The following ADAMTSL1 variants were observed in gnomAD, a reference collection of about 807,000 sequenced individuals.
ADAMTSL1 encodes ADAMTS like 1.
Under a neutral mutation model 201.8 loss-of-function variants are expected in ADAMTSL1, and 126 were observed. That is an observed-to-expected ratio of 0.62 (90% confidence interval 0.54 to 0.72). The LOEUF (loss-of-function observed/expected upper bound fraction) is 0.72, where lower values mean the gene tolerates loss of function less well. Among genes scored for constraint, ADAMTSL1 ranks in the 30% least tolerant of loss-of-function variants. The pLI is 0.00. For synonymous variants in ADAMTSL1, 1,121 were observed against 903.4 expected, an observed-to-expected ratio of 1.24 and a Z score of -4.32; for missense variants, 2,679 against 2,277.8, an observed-to-expected ratio of 1.18 and a Z score of -3.59.
chr9:18,379,882 A>G (rs1225934023), intron 2 of ADAMTSL1, among the ~76,000 whole-genome samples: 3 of 152,116 alleles, frequency 2.0e-5, no homozygotes, highest in African/African-American at 7.2e-5. Context: ...CCTTTACTCC[A>G]TCCTCCCATC....
intron 2 of ADAMTSL1, among the ~76,000 whole-genome samples, chr9:18,371,444 G>A (rs899525035): frequency 6.6e-6 from 1 of 152,156 alleles, no homozygotes; most frequent in Non-Finnish European, 1.5e-5. Flanking sequence ...ACACAAGAGG[G>A]AGGTCTTTCT....
chr9:18,161,828 T>C (rs1827402099), intron 1 of ADAMTSL1, among the ~76,000 whole-genome samples: 1 of 152,012 alleles, frequency 6.6e-6, no homozygotes, highest in Non-Finnish European at 1.5e-5. Context: ...GCAGGAGTAA[T>C]TTAGGTTAGC....
chr9:17,960,900 A>C (rs1046407701), intron 1 of ADAMTSL1, among the ~76,000 whole-genome samples: 8 of 152,096 alleles, frequency 5.3e-5, no homozygotes, highest in Non-Finnish European at 1.0e-4. Context: ...CTGTTCACCC[A>C]TTTTTCCTTC....
chr9:18,221,477 T>A lies in ADAMTSL1; in HGVS notation c.207+57496T>A, dbSNP rs182901795. 3.8e-3 allele frequency among the ~76,000 whole-genome samples: 583 copies of A among 152,324 alleles called. 1 individual carries two copies. The highest frequency in any genetic ancestry group is 6.9e-3 in the Non-Finnish European group (468 of 68,024). ...TCACATCTTTTAGCTTGATTTTCCT[T>A]CTTTTTATCTCTCTATACTGCACTA... On this transcript the variant is annotated intron_variant, in intron 2 of 29. Coordinates refer to the ADAMTSL1 transcript ENST00000680146.
chr9:18,100,681 G>T (rs1047668162), intron 1 of ADAMTSL1, among the ~76,000 whole-genome samples: 15 of 151,746 alleles, frequency 9.9e-5, no homozygotes, highest in African/African-American at 3.4e-4. Context: ...TTTCTTTTCA[G>T]TGTGGATCCC....
chr9:18,163,012 T>G (rs1358810223), intron 1 of ADAMTSL1, among the ~76,000 whole-genome samples: 2 of 152,002 alleles, frequency 1.3e-5, no homozygotes, highest in African/African-American at 4.8e-5. Context: ...GTACAGTGAG[T>G]AAACTGAGGC....
intron 2 of ADAMTSL1, among the ~76,000 whole-genome samples, chr9:18,213,357 T>G (rs1829949663): frequency 6.6e-6 from 1 of 152,186 alleles, no homozygotes; most frequent in African/African-American, 2.4e-5. Flanking sequence ...TGAATTGGTG[T>G]TGGTATCCTT....
chr9:18,050,028 A>G (rs1401144908), intron 1 of ADAMTSL1, among the ~76,000 whole-genome samples: 1 of 152,208 alleles, frequency 6.6e-6, no homozygotes, highest in Non-Finnish European at 1.5e-5. Context: ...CAGATACCAT[A>G]TCTATGTTTA....
At chr9:18,136,481 G>T (rs1489914745) in intron 1 of ADAMTSL1, among the ~76,000 whole-genome samples, 4 of 152,106 alleles carry the variant, frequency 2.6e-5, no homozygotes, top group Non-Finnish European at 5.9e-5. Flanking sequence ...TGTTAGGAGA[G>T]ATAACTGTGT....
At chr9:18,403,263 A>G (rs1430986604) in intron 2 of ADAMTSL1, among the ~76,000 whole-genome samples, 7 of 151,884 alleles carry the variant, frequency 4.6e-5, no homozygotes, top group Non-Finnish European at 7.4e-5. Flanking sequence ...GGCTCACTGC[A>G]ACCTTCGCCT....
chr9:17,945,719 A>G (rs1413905151), intron 1 of ADAMTSL1, among the ~76,000 whole-genome samples: 1 of 151,690 alleles, frequency 6.6e-6, no homozygotes, highest in East Asian at 1.9e-4. Flanking sequence ...CGCAAGAACA[A>G]AAAACCAAAC....
intron 2 of ADAMTSL1, among the ~76,000 whole-genome samples, chr9:18,352,395 A>T (rs1365430792): frequency 6.6e-6 from 1 of 152,226 alleles, no homozygotes; most frequent in Non-Finnish European, 1.5e-5. Context: ...CCTTCTACCC[A>T]TCCTACAGAT....
At chr9:18,480,574 C>T (rs2131804060) in intron 1 of ADAMTSL1, among the ~76,000 whole-genome samples, 1 of 152,284 alleles carries the variant, frequency 6.6e-6, no homozygotes, top group South Asian at 2.1e-4. Context: ...TGTGAAAACC[C>T]TGAAATTTTG....
At chr9:17,914,033 C>T (rs1276070217) in intron 1 of ADAMTSL1, among the ~76,000 whole-genome samples, 1 of 152,152 alleles carries the variant, frequency 6.6e-6, no homozygotes, top group East Asian at 1.9e-4. Flanking sequence ...TAATCAATAG[C>T]TTACCAACCA....
Position 17,972,982 on chromosome 9 carries a change from A to G in ADAMTSL1, c.87+66060A>G, listed in dbSNP as rs572841135. On this transcript the variant is annotated intron_variant, in intron 1 of 29. Coordinates refer to the ADAMTSL1 transcript ENST00000680146. ...GTCTTCTTTTGAGAAGTGTGTATTC[A>G]TATCCTTCACCCACTTTTTGATGGG... Among the ~76,000 whole-genome samples, 980 of 149,196 alleles carry G rather than the reference A, an allele frequency of 6.6e-3. 14 individuals are homozygous for G. Among genetic ancestry groups the G allele is most frequent in the African/African-American group, 0.023 (936 of 40,544 alleles).
chr9:17,970,861 A>C (rs1778176), intron 1 of ADAMTSL1, among the ~76,000 whole-genome samples: 1 of 151,880 alleles, frequency 6.6e-6, no homozygotes, highest in Non-Finnish European at 1.5e-5. Context: ...ATGCTTTTTG[A>C]AGGTAGGAAT....
At chr9:18,022,636 A>G (rs549717747) in intron 1 of ADAMTSL1, among the ~76,000 whole-genome samples, 5 of 152,284 alleles carry the variant, frequency 3.3e-5, no homozygotes, top group African/African-American at 9.6e-5. Context: ...AATTTCAAGT[A>G]TATTATATGG....
intron 4 of ADAMTSL1, among the ~76,000 whole-genome samples, chr9:18,609,695 T>C (rs1461042034): frequency 7.2e-5 from 11 of 152,276 alleles, no homozygotes; most frequent in African/African-American, 2.6e-4. Context: ...TACCTGCTAT[T>C]TGCACAGTGA....
At chr9:18,025,789 A>T (rs914485847) in intron 1 of ADAMTSL1, among the ~76,000 whole-genome samples, 1 of 151,878 alleles carries the variant, frequency 6.6e-6, no homozygotes, top group Non-Finnish European at 1.5e-5. Context: ...ATTCTCTGAG[A>T]AATTATATTG....
Sources: gnomAD v4.1 joint callset for allele counts (sites outside exome capture counted in the v4.1 genomes callset) on GRCh38, gnomAD v4.1.1 for gene constraint, MANE v1.5 for transcripts, NCBI Gene and HGNC (gene_info 2026-07-23, HGNC 2026-07-21) for gene names.